The following SPIRE1 variants were observed in gnomAD, a reference collection of about 807,000 sequenced individuals.
The protein encoded by SPIRE1 is protein spire homolog 1.
A neutral mutation model predicts 94.1 loss-of-function variants in SPIRE1; 40 were observed. The observed-to-expected ratio is 0.43, with a 90% CI of 0.33 to 0.55. The LOEUF is 0.55. Ranked by LOEUF, SPIRE1 falls within the 20% of genes least tolerant of loss-of-function variation. The probability of loss-of-function intolerance (pLI) is 0.06; values close to 1 mark genes in which losing one functional copy is unlikely to be tolerated. For synonymous variants in SPIRE1, 376 were observed against 371.7 expected (o/e 1.01, Z -0.13); for missense variants, 838 against 975.2 (o/e 0.86, Z 1.87).
intron 10 of SPIRE1, among the ~76,000 whole-genome samples, chr18:12,475,650 G>A (rs192756357): frequency 2.0e-3 from 300 of 152,320 alleles, no homozygotes; most frequent in African/African-American, 6.6e-3. Context: ...AACAGTCTCT[G>A]TATTTGTGGC....
chr18:12,459,250 A>G (rs1381419386), intron 12 of SPIRE1, among the ~76,000 whole-genome samples: 1 of 152,268 alleles, frequency 6.6e-6, no homozygotes, highest in Non-Finnish European at 1.5e-5. Context: ...CCTGGTTGTC[A>G]TAACACAGCT....
In SPIRE1 at chr18:12,557,807, G is replaced by A. The variant is rs113786894; in HGVS notation, c.373-10903C>T. ...CAGTAACCAAAACATCATGGTACTG[G>A]CATAAAAACAGATACACAGACCAAT... On this transcript the variant is annotated intron_variant, in intron 2 of 16. Transcript: ENST00000409402. 9.6e-3 allele frequency among the ~76,000 whole-genome samples: 1,453 copies of A among 151,890 alleles called. 26 individuals carry two copies. The highest frequency in any genetic ancestry group is 0.033 in the African/African-American group (1,374 of 41,424).
At chr18:12,568,509 A>G (rs886241185) in intron 2 of SPIRE1, among the ~76,000 whole-genome samples, 1 of 152,182 alleles carries the variant, frequency 6.6e-6, no homozygotes, top group African/African-American at 2.4e-5. Flanking sequence ...ATGCCTTGGT[A>G]TCCCTGATTC....
intron 4 of SPIRE1, among the ~76,000 whole-genome samples, chr18:12,525,149 C>T (rs1343003941): frequency 2.0e-5 from 3 of 150,866 alleles, no homozygotes; most frequent in Admixed American, 6.6e-5. Flanking sequence ...TGGTGGCGGG[C>T]GCCTATAGTC....
chr18:12,577,171 G>A (rs1252053969), intron 2 of SPIRE1, among the ~76,000 whole-genome samples: 9 of 151,890 alleles, frequency 5.9e-5, no homozygotes, highest in East Asian at 5.8e-4. Context: ...TTTTTGAGAC[G>A]GAGTCTAGCT....
chr18:12,531,709 G>A (rs961265637), intron 4 of SPIRE1, among the ~76,000 whole-genome samples: 2 of 152,110 alleles, frequency 1.3e-5, no homozygotes, highest in African/African-American at 4.8e-5. Context: ...AAAGTAGCAG[G>A]GGTTAAAGTT....
At chr18:12,565,090 G>A (rs190214215) in intron 2 of SPIRE1, among the ~76,000 whole-genome samples, 6 of 152,076 alleles carry the variant, frequency 3.9e-5, no homozygotes, top group South Asian at 2.1e-4. Context: ...AAAGAACATC[G>A]AGCATGATAA....
intron 2 of SPIRE1, among the ~76,000 whole-genome samples, chr18:12,613,016 T>C (rs1174993122): frequency 6.6e-6 from 1 of 152,186 alleles, no homozygotes; most frequent in Non-Finnish European, 1.5e-5. Flanking sequence ...TGTACTATAG[T>C]TCACTTATTT....
At chr18:12,566,060 G>T (rs1222277300) in intron 2 of SPIRE1, among the ~76,000 whole-genome samples, 6 of 151,030 alleles carry the variant, frequency 4.0e-5, no homozygotes, top group Non-Finnish European at 7.4e-5. Flanking sequence ...TTTAGGCTGG[G>T]TGTGGTAGCT....
At chr18:12,660,162 G>A (rs559358310), upstream of SPIRE1, among the ~76,000 whole-genome samples, 1 of 152,092 alleles carries the variant, frequency 6.6e-6, no homozygotes, top group African/African-American at 2.4e-5. Flanking sequence ...AGGAATCTAT[G>A]AGCCATTAAC....
chr18:12,465,868 G>A (rs1451454781), intron 10 of SPIRE1, among the ~76,000 whole-genome samples: 1 of 152,066 alleles, frequency 6.6e-6, no homozygotes, highest in Admixed American at 6.5e-5. Context: ...GGCAGATCAC[G>A]AGGTCAGGAG....
chr18:12,509,782 A>G (rs2033962735), intron 5 of SPIRE1, among the ~76,000 whole-genome samples: 1 of 152,110 alleles, frequency 6.6e-6, no homozygotes, highest in African/African-American at 2.4e-5. Flanking sequence ...AAGAAGCCAA[A>G]CCAAAAACAG....
chr18:12,561,887 A>G (rs1485535945), intron 2 of SPIRE1, among the ~76,000 whole-genome samples: 1 of 152,146 alleles, frequency 6.6e-6, no homozygotes, highest in African/African-American at 2.4e-5. Context: ...CCACCAAATG[A>G]GTTTGGGTGC....
chr18:12,451,451 A>T (rs1198708253), intron 16 of SPIRE1, among the ~76,000 whole-genome samples: 2 of 152,192 alleles, frequency 1.3e-5, no homozygotes, highest in African/African-American at 4.8e-5. Flanking sequence ...ACAGGATATA[A>T]ATGGGTAGTC....
intron 10 of SPIRE1, among the ~76,000 whole-genome samples, chr18:12,465,954 C>T (rs910345735): frequency 1.1e-4 from 16 of 151,792 alleles, no homozygotes; most frequent in African/African-American, 2.7e-4. Context: ...CGTGGTGGCA[C>T]GCGCCTGTAG....
chr18:12,461,840 C>T (rs1457490899), intron 12 of SPIRE1, among the ~76,000 whole-genome samples: 1 of 152,042 alleles, frequency 6.6e-6, no homozygotes, highest in Admixed American at 6.6e-5. Context: ...CTTAAGTTGC[C>T]CAGGCTGGTC....
Position 12,506,582 on chromosome 18 carries a change from G to A in SPIRE1, c.867C>T (p.Val289=), listed in dbSNP as rs1261364486. ...GCAAAGGGTTGTACTGCCGCTCTTG[G>A]ACCTTCTTAAGTTTTACCCCATTCC... The part of the protein sequence containing the change: ...DLRNGVKLKK[V]QERQYNPLPI... Residue 289 remains valine, a synonymous_variant, in exon 6 of 17, where the codon GTC becomes GTT. Coordinates refer to ENST00000409402, the MANE Select transcript of SPIRE1 (RefSeq NM_001128626.2). 1 of 1,614,064 alleles carries A rather than the reference G, an allele frequency of 6.2e-7. No individual in the cohort carries two copies.
rs1415621533 is a variant in SPIRE1, at chr18:12,559,808, A to T, written c.373-12904T>A. On this transcript the variant is annotated intron_variant, in intron 2 of 16. Coordinates refer to ENST00000409402, the MANE Select transcript of SPIRE1 (RefSeq NM_001128626.2). This position sits in a 1 kb window ranked among gnomAD's most constrained non-coding sequence, Gnocchi z 4.7. ...GAAGAAAACAACAAAATGAAGAAAC[A>T]ACCCAAAGAACGGGAGAAAATATGT... Among the ~76,000 whole-genome samples, 1 of 152,204 alleles carries T rather than the reference A, an allele frequency of 6.6e-6. No individual in the cohort carries two copies. The highest frequency in any genetic ancestry group is 1.5e-5 in the Non-Finnish European group (1 of 68,024).
intron 9 of SPIRE1, 26 bp from the exon 10 acceptor site, chr18:12,479,897 T>C (rs2032777707): frequency 6.2e-7 from 1 of 1,603,022 alleles, no homozygotes; most frequent in Non-Finnish European, 8.5e-7. Flanking sequence ...AAGCTTACCT[T>C]TTCTTGAGCC....
Sources: allele counts gnomAD v4.1 joint callset (sites outside exome capture counted in the v4.1 genomes callset), GRCh38; gene constraint gnomAD v4.1.1; non-coding constraint Gnocchi (gnomAD v3.1); transcripts MANE v1.5; gene names NCBI Gene and HGNC (gene_info 2026-07-23, HGNC 2026-07-21).